Variants in DGKI observed in about 807,000 individuals in gnomAD.
DGKI encodes diacylglycerol kinase iota, also known as DAG kinase iota.
In DGKI, 55 loss-of-function variants were observed where a neutral mutation model predicts 147.5. The observed-to-expected ratio is 0.37, with a 90% CI of 0.30 to 0.47. DGKI has a LOEUF of 0.47. DGKI is among the 20% of genes least tolerant of loss of function. The pLI, the probability that DGKI is intolerant of heterozygous loss-of-function variation, is 1.00. For missense variants in DGKI, 1,007 were observed against 1,323.8 expected (o/e 0.76, Z 3.71); for synonymous variants, 469 against 477.1 (o/e 0.98, Z 0.22).
At chr7:137,660,508 G>A (rs1477921040) in intron 3 of DGKI, among the ~76,000 whole-genome samples, 3 of 152,214 alleles carry the variant, frequency 2.0e-5, no homozygotes, top group African/African-American at 7.2e-5. Flanking sequence ...GCAGGCAAGG[G>A]AGAAAAACTG....
chr7:137,726,939 G>A (rs1317162010), intron 1 of DGKI, among the ~76,000 whole-genome samples: 2 of 151,948 alleles, frequency 1.3e-5, no homozygotes. Flanking sequence ...TGTTATTGCA[G>A]GTCTAATGTA....
chr7:137,511,617 T>C (rs942671917), intron 21 of DGKI, among the ~76,000 whole-genome samples: 42 of 152,226 alleles, frequency 2.8e-4, no homozygotes, highest in African/African-American at 1.0e-3. Context: ...AGGTGTTCAA[T>C]AGATCGTTGT....
intron 1 of DGKI, among the ~76,000 whole-genome samples, chr7:137,813,914 C>A (rs980197817): frequency 3.9e-5 from 6 of 152,128 alleles, no homozygotes; most frequent in Admixed American, 3.3e-4. Context: ...AATATATAGA[C>A]ATAATTTCCC....
chr7:137,472,480 A>G lies in DGKI; in HGVS notation c.2374-2861T>C, dbSNP rs1488879582. On this transcript the variant is annotated intron_variant, in intron 23 of 32. Coordinates refer to ENST00000614521, the MANE Select transcript of DGKI (RefSeq NM_001321708.2). ...TATATTATATGTTATATATACATAT[A>G]TATTATATATACACGTGTATATATT... 4.2e-5 allele frequency among the ~76,000 whole-genome samples: 6 copies of G among 142,498 alleles called. No individual in the cohort carries two copies. In the Admixed American group the frequency reaches 4.5e-4, roughly 11 times the overall value. The allele number at this position is 142,498 out of a possible 152,430, so 93.5% of individuals were successfully genotyped here.
intron 1 of DGKI, among the ~76,000 whole-genome samples, chr7:137,739,968 T>A (rs1795131644): frequency 6.6e-6 from 1 of 152,174 alleles, no homozygotes; most frequent in Admixed American, 6.5e-5. Context: ...CTCCACCATG[T>A]CTTTGAAGGT....
At chr7:137,449,093 C>G (rs1813846046) in intron 27 of DGKI, among the ~76,000 whole-genome samples, 1 of 152,082 alleles carries the variant, frequency 6.6e-6, no homozygotes, top group African/African-American at 2.4e-5. Flanking sequence ...CTACGTAATT[C>G]CTATAAAAAT....
intron 1 of DGKI, among the ~76,000 whole-genome samples, chr7:137,752,683 C>A (rs1248837258): frequency 1.3e-5 from 2 of 152,174 alleles, no homozygotes; most frequent in African/African-American, 2.4e-5. Context: ...AGTCACATAA[C>A]CCCTGCTTGC....
chr7:137,503,343 T>C (rs1040749705), intron 21 of DGKI, among the ~76,000 whole-genome samples: 1 of 152,202 alleles, frequency 6.6e-6, no homozygotes, highest in Admixed American at 6.5e-5. Context: ...AGAAAATCAC[T>C]GTGACTTGTT....
intron 27 of DGKI, among the ~76,000 whole-genome samples, chr7:137,452,207 T>C (rs1813994872): frequency 6.6e-6 from 1 of 152,184 alleles, no homozygotes; most frequent in African/African-American, 2.4e-5. Flanking sequence ...AAGATAAACA[T>C]GCAGGACAGG....
intron 1 of DGKI, among the ~76,000 whole-genome samples, chr7:137,707,642 G>A (rs1049821278): frequency 1.6e-4 from 25 of 152,064 alleles, no homozygotes; most frequent in Admixed American, 1.2e-3. Context: ...CTCCTGCTCT[G>A]GTCATATAAG....
chr7:137,621,493 C>T (rs564947508), intron 7 of DGKI, among the ~76,000 whole-genome samples: 1 of 152,252 alleles, frequency 6.6e-6, no homozygotes, highest in African/African-American at 2.4e-5. Flanking sequence ...TTCTCCTGTA[C>T]CATAAAGGGT....
At chr7:137,845,362 T>C (rs1231104650) in intron 1 of DGKI, among the ~76,000 whole-genome samples, 1 of 152,202 alleles carries the variant, frequency 6.6e-6, no homozygotes, top group East Asian at 1.9e-4. Flanking sequence ...TTTGCTTACA[T>C]AACAGCACAT....
rs1811812230 is a variant in DGKI, at chr7:137,402,868, A to G, written c.2920+5007T>C. ...AGGCAGAAAAAGGGGGGTTAAAAAA[A>G]GAGAAAAGAAAGACTGAAGACAGAA... On this transcript the variant is annotated intron_variant, in intron 30 of 32. Coordinates refer to ENST00000614521, the MANE Select transcript of DGKI (RefSeq NM_001321708.2). Among the ~76,000 whole-genome samples the G allele has an allele frequency of 2.0e-5, 3 of 152,196 alleles. No homozygotes were observed. In the South Asian group the frequency reaches 6.2e-4, roughly 32 times the overall value.
At chr7:137,427,192 A>C (rs1407701249) in intron 28 of DGKI, among the ~76,000 whole-genome samples, 1 of 152,198 alleles carries the variant, frequency 6.6e-6, no homozygotes, top group Admixed American at 6.5e-5. Flanking sequence ...GAAATTATAA[A>C]AAACTGTCTC....
intron 2 of DGKI, among the ~76,000 whole-genome samples, chr7:137,679,990 CAAAAAAAAAA>C (rs768437551): frequency 1.8e-5 from 1 of 54,078 alleles, no homozygotes; most frequent in Non-Finnish European, 4.0e-5. Flanking sequence ...GACTCCATCT[CAAAAAAAAAA>C]AAAAAAAAAA....
At chr7:137,772,135 G>A (rs192742498) in intron 1 of DGKI, 24 of 152,202 alleles carry the variant, frequency 1.6e-4, no homozygotes, top group Admixed American at 1.5e-3. Flanking sequence ...GAAAATTAAG[G>A]TAACAAGAAA....
At chr7:137,583,077 A>AT (rs1334028192) in intron 14 of DGKI, among the ~76,000 whole-genome samples, 3 of 152,116 alleles carry the variant, frequency 2.0e-5, no homozygotes, top group African/African-American at 7.2e-5. Context: ...CATTAAGAAA[A>AT]AAGTGAAATA....
chr7:137,724,373 C>T lies in DGKI; in HGVS notation c.402-34371G>A, dbSNP rs535680017. 5.7e-4 allele frequency among the ~76,000 whole-genome samples: 87 copies of T among 152,196 alleles called. 1 individual carries two copies. The highest frequency in any genetic ancestry group is 3.7e-3 in the South Asian group (18 of 4,820). On this transcript the variant is annotated intron_variant, in intron 1 of 32. Coordinates refer to ENST00000614521, the MANE Select transcript of DGKI (RefSeq NM_001321708.2). The stretch of plus-strand genomic sequence containing the variant: ...TCTTTATGTTTTCAAGGGTCACATT[C>T]GCTGGTATGTGGAGAACATATCTGA...
intron 20 of DGKI, among the ~76,000 whole-genome samples, chr7:137,534,309 T>C (rs6977097): frequency 0.031 from 4,772 of 152,194 alleles, 106 homozygotes; most frequent in South Asian, 0.097. Flanking sequence ...ATTGCAGTTA[T>C]AATGGTCGGT....
Sources: gnomAD v4.1 joint callset for allele counts (sites outside exome capture counted in the v4.1 genomes callset) on GRCh38, gnomAD v4.1.1 for gene constraint, MANE v1.5 for transcripts, NCBI Gene and HGNC (gene_info 2026-07-23, HGNC 2026-07-21) for gene names.